MYH1: variants seen among roughly 807,000 people sequenced by gnomAD.
MYH1 encodes myosin-1.
MYH1 carries 214 observed loss-of-function variants against 225.6 expected under a neutral mutation model. That is an observed-to-expected ratio of 0.95 (90% confidence interval 0.85 to 1.06). MYH1 has a LOEUF of 1.06. MYH1 is among the 50% of genes least tolerant of loss of function. The pLI is 0.00. For synonymous variants in MYH1, 774 were observed against 842.3 expected (o/e 0.92, Z 1.40); for missense variants, 2,098 against 2,344.2 (o/e 0.89, Z 2.17).
At chr17:10,502,121 T>A (rs559862142) in intron 24 of MYH1, among the ~76,000 whole-genome samples, 1 of 152,344 alleles carries the variant, frequency 6.6e-6, no homozygotes, top group East Asian at 1.9e-4. Context: ...GTTGTTACAA[T>A]AAGTTACTAG....
chr17:10,497,035 C>T lies in MYH1; in HGVS notation c.4656+34G>A, dbSNP rs1426125098. On this transcript the variant is annotated intron_variant, in intron 33 of 39. Coordinates refer to ENST00000226207, the MANE Select transcript of MYH1 (RefSeq NM_005963.4). ...CATTTAATAGACCCCAATTCCTCTT[C>T]TAATTGTTTTAGAGTATGCAATAAA... is the stretch of plus-strand genomic sequence containing the variant. The T allele has an allele frequency of 2.5e-6, 4 of 1,593,716 alleles. No homozygotes were observed. The Admixed American group carries it at 7.4e-5, about 30-fold the overall frequency.
Position 10,502,818 on chromosome 17 carries a change from G to A in MYH1, c.3031C>T (p.Leu1011=), listed in dbSNP as rs374305671. The change falls in exon 24 of 40, where the codon CTG becomes TTG. Residue 1011 remains leucine (L), a synonymous_variant. Coordinates refer to ENST00000226207, the MANE Select transcript of MYH1 (RefSeq NM_005963.4). The stretch of plus-strand genomic sequence containing the variant: ...TCCTCCTCTGCCTGCAGGTCATCCA[G>A]GGTCTGCTGGTGGGCCTCCTGGAGA... ...KALQEAHQQT[L]DDLQAEEDKV... is the part of the protein sequence containing the mutation. 331 of 1,613,954 alleles carry A rather than the reference G, an allele frequency of 2.1e-4. No individual in the cohort carries two copies. Among genetic ancestry groups the A allele is most frequent in the Middle Eastern group, 3.3e-4 (2 of 6,084 alleles).
At position 10,500,902 on chromosome 17, in the gene MYH1, G is replaced by A. The variant is rs1017755987; in HGVS notation, c.3739-150C>T. The A allele has an allele frequency of 6.6e-6, 9 of 1,367,446 alleles. No homozygotes were observed. The African/African-American group carries it at 1.2e-4, about 18-fold the overall frequency. 84.7% of individuals were successfully genotyped at this position (1,367,446 alleles called of 1,614,324 possible). A position where few individuals can be genotyped will look rare whatever the true frequency, so the allele number is the denominator to read the frequency against. ...ACAAAACCAGCAAAGGTCTTAGATAGTGAATGGAAAGACTAATAAGATACA... is the reference window on the plus strand; with the variant it reads ...ACAAAACCAGCAAAGGTCTTAGATAATGAATGGAAAGACTAATAAGATACA... On this transcript the variant is annotated intron_variant, in intron 27 of 39. Coordinates refer to ENST00000226207, the MANE Select transcript of MYH1 (RefSeq NM_005963.4).
intron 9 of MYH1, 141 bp from the exon 10 acceptor site, chr17:10,513,106 T>C (rs550282089): frequency 3.1e-6 from 2 of 642,708 alleles, no homozygotes; most frequent in East Asian, 5.5e-5. Context: ...CCACATATTA[T>C]GTCTCTACAA....
chr17:10,498,817 C>G lies in MYH1; in HGVS notation c.3990G>C (p.Lys1330Asn). ...KRQLEEEIKAKSALAHALQSS... is the reference protein window; with the variant it reads ...KRQLEEEIKANSALAHALQSS... ...ACTGCAGGGCATGTGCCAGGGCACT[C>G]TTGGCCTGAGAACATAGAGATTGAT... Residue 1330 changes from lysine to asparagine, a missense_variant, in exon 30 of 40, where the codon AAG becomes AAC. By Grantham distance (94) the Lys-to-Asn change is moderately conservative. Transcript: ENST00000226207. The G allele has an allele frequency of 6.2e-7, 1 of 1,614,108 alleles. No homozygotes were observed. The highest frequency in any genetic ancestry group is 8.5e-7 in the Non-Finnish European group (1 of 1,179,980).
At position 10,497,286 on chromosome 17, in the gene MYH1, C is replaced by T. The variant is rs375833331; in HGVS notation, c.4531+1G>A. On this transcript the variant is annotated splice_donor_variant, in intron 32 of 39. Transcript: ENST00000226207. LOFTEE classifies it high-confidence loss of function. ...TTAAAGAAAAGGTAAAATGTTCTCA[C>T]GTTGCAAATTCTTATTTTCCCGTTT... 31 of 1,597,832 alleles carry T rather than the reference C, an allele frequency of 1.9e-5. No individual in the cohort carries two copies. Among genetic ancestry groups the T allele is most frequent in the East Asian group, 1.1e-4 (5 of 44,822 alleles).
Sources: allele counts gnomAD v4.1 joint callset (sites outside exome capture counted in the v4.1 genomes callset), GRCh38; gene constraint gnomAD v4.1.1; transcripts MANE v1.5; gene names NCBI Gene and HGNC (gene_info 2026-07-23, HGNC 2026-07-21).